The following EYS variants were observed in gnomAD, a reference collection of about 807,000 sequenced individuals.
EYS encodes the protein protein eyes shut homolog.
EYS carries 250 observed loss-of-function variants against 282.1 expected under a neutral mutation model. The observed-to-expected ratio is 0.89, with a 90% confidence interval of 0.80 to 0.98. The LOEUF (loss-of-function observed/expected upper bound fraction) is 0.98. Ranked by LOEUF, EYS falls within the 50% of genes least tolerant of loss-of-function variation. The pLI is 0.00. For missense variants in EYS, 4,016 were observed against 3,709.0 expected (o/e 1.08, Z -2.15); for synonymous variants, 1,355 against 1,282.9 (o/e 1.06, Z -1.20).
At chr6:64,934,665 A>C (rs1282236547) in intron 15 of EYS, among the ~76,000 whole-genome samples, 3 of 151,938 alleles carry the variant, frequency 2.0e-5, no homozygotes, top group Admixed American at 6.6e-5. Flanking sequence ...ATATCCTACA[A>C]TGCTACCTTC....
At chr6:64,796,583 A>G (rs753491139) in intron 22 of EYS, among the ~76,000 whole-genome samples, 1 of 152,106 alleles carries the variant, frequency 6.6e-6, no homozygotes, top group Non-Finnish European at 1.5e-5. Context: ...AATTCTGCCA[A>G]TTTTTCTGGA....
chr6:65,044,783 G>A (rs1773050141), intron 13 of EYS, among the ~76,000 whole-genome samples: 1 of 151,692 alleles, frequency 6.6e-6, no homozygotes, highest in Admixed American at 6.6e-5. Flanking sequence ...CATTAACAAA[G>A]GATTTGTGCA....
intron 28 of EYS, among the ~76,000 whole-genome samples, chr6:64,391,287 A>G (rs1773128632): frequency 6.6e-6 from 1 of 151,506 alleles, no homozygotes; most frequent in Admixed American, 6.6e-5. Context: ...CCACAAAGAT[A>G]CTCCTCGAGA....
At chr6:63,965,261 C>T (rs1766251350) in intron 35 of EYS, among the ~76,000 whole-genome samples, 1 of 152,112 alleles carries the variant, frequency 6.6e-6, no homozygotes, top group African/African-American at 2.4e-5. Context: ...AGCTTTGTTC[C>T]TCCACAAGAG....
chr6:65,599,848 G>T (rs1291393419), intron 2 of EYS, among the ~76,000 whole-genome samples: 2 of 151,910 alleles, frequency 1.3e-5, no homozygotes, highest in Non-Finnish European at 2.9e-5. Context: ...TGGTGGTAGG[G>T]GAAGCAAACA....
At chr6:64,215,403 A>G (rs2150330024) in intron 31 of EYS, among the ~76,000 whole-genome samples, 1 of 152,212 alleles carries the variant, frequency 6.6e-6, no homozygotes, top group South Asian at 2.1e-4. Flanking sequence ...TAAGTGTTAT[A>G]AAGGGCTCTT....
intron 32 of EYS, among the ~76,000 whole-genome samples, chr6:64,076,475 A>G (rs1031945810): frequency 7.2e-5 from 11 of 151,940 alleles, no homozygotes; most frequent in South Asian, 6.2e-4. Context: ...TGTAACTCCC[A>G]TAATTCCCAT....
intron 24 of EYS, among the ~76,000 whole-genome samples, chr6:64,603,717 C>T (rs375210706): frequency 2.3e-4 from 35 of 152,146 alleles, no homozygotes; most frequent in African/African-American, 8.2e-4. Flanking sequence ...GGAGGTGAGT[C>T]AGTGGTCAGA....
At chr6:63,940,247 C>T (rs1487995823) in intron 35 of EYS, among the ~76,000 whole-genome samples, 4 of 151,826 alleles carry the variant, frequency 2.6e-5, no homozygotes, top group African/African-American at 9.7e-5. Context: ...TGCTATGTAC[C>T]ATAGATTGAA....
intron 40 of EYS, 127 bp downstream of exon 40, chr6:63,777,879 A>T: frequency 1.1e-6 from 1 of 908,312 alleles, no homozygotes; most frequent in Non-Finnish European, 1.7e-6. Context: ...TAACAAGTCT[A>T]CATAAGAACA....
chr6:65,064,834 G>T (rs1773696267), intron 12 of EYS, among the ~76,000 whole-genome samples: 1 of 152,018 alleles, frequency 6.6e-6, no homozygotes, highest in Non-Finnish European at 1.5e-5. Context: ...AGATAAATTG[G>T]AAAAATTGTA....
chr6:64,451,231 C>A (rs1775324788), intron 26 of EYS, among the ~76,000 whole-genome samples: 1 of 152,160 alleles, frequency 6.6e-6, no homozygotes, highest in Non-Finnish European at 1.5e-5. Flanking sequence ...CTATAAACAC[C>A]TCTATGCAAA....
intron 12 of EYS, among the ~76,000 whole-genome samples, chr6:65,091,534 T>C (rs1223745103): frequency 1.3e-5 from 2 of 152,068 alleles, no homozygotes; most frequent in East Asian, 1.9e-4. Context: ...TGTATTTTGT[T>C]ACGATTAAAA....
At chr6:65,493,046 G>T (rs995346746) in intron 4 of EYS, among the ~76,000 whole-genome samples, 8 of 152,052 alleles carry the variant, frequency 5.3e-5, no homozygotes, top group Non-Finnish European at 1.2e-4. Context: ...CTCCCGAGTA[G>T]CTGGGATTAC....
intron 22 of EYS, among the ~76,000 whole-genome samples, chr6:64,804,064 G>A (rs1764350592): frequency 6.6e-6 from 1 of 152,136 alleles, no homozygotes; most frequent in Non-Finnish European, 1.5e-5. Context: ...CTCACCTACT[G>A]CAGCCAGTGT....
At chr6:64,829,705 T>G (rs1765158973) in intron 19 of EYS, among the ~76,000 whole-genome samples, 2 of 151,914 alleles carry the variant, frequency 1.3e-5, no homozygotes, top group African/African-American at 4.8e-5. Context: ...AATTATAGAA[T>G]GCGGTATGCA....
At chr6:65,494,267 T>C (rs902122480) in intron 4 of EYS, among the ~76,000 whole-genome samples, 6 of 151,294 alleles carry the variant, frequency 4.0e-5, no homozygotes, top group African/African-American at 1.5e-4. Context: ...ATTTATTTAT[T>C]TTATTTTATT....
chr6:64,588,530 C>T (rs1766302987), intron 26 of EYS, among the ~76,000 whole-genome samples: 1 of 152,000 alleles, frequency 6.6e-6, no homozygotes, highest in Non-Finnish European at 1.5e-5. Context: ...TTACCTGTGT[C>T]CTACTTCCAA....
intron 36 of EYS, among the ~76,000 whole-genome samples, chr6:63,834,945 G>C (rs7775213): frequency 0.99 from 149,445 of 150,946 alleles, 73,987 homozygotes; most frequent in Middle Eastern, 1. Context: ...AACACACTAT[G>C]GCAAGGACAG....
Sources: allele counts gnomAD v4.1 joint callset (sites outside exome capture counted in the v4.1 genomes callset), GRCh38; gene constraint gnomAD v4.1.1; transcripts MANE v1.5; gene names NCBI Gene and HGNC (gene_info 2026-07-23, HGNC 2026-07-21).